The following RXFP2 variants were observed in gnomAD, a reference collection of about 807,000 sequenced individuals.
RXFP2 encodes the protein relaxin receptor 2.
In RXFP2, 68 loss-of-function variants were observed where a neutral mutation model predicts 88.6. The observed-to-expected ratio is 0.77, with a 90% CI of 0.63 to 0.94. The LOEUF is 0.94. Among genes scored for constraint, RXFP2 ranks in the 40% least tolerant of loss-of-function variants. The probability of loss-of-function intolerance (pLI) is 0.00; values close to 1 mark genes in which losing one functional copy is unlikely to be tolerated. For synonymous variants in RXFP2, 329 were observed against 306.8 expected (o/e 1.07, Z -0.76); for missense variants, 791 against 893.9 (o/e 0.88, Z 1.47).
rs530572609 is a variant in RXFP2 at position 31,791,545 on chromosome 13, T to C, written c.1146-261T>C. 9.8e-5 allele frequency among the ~76,000 whole-genome samples: 15 copies of C among 152,300 alleles called. No individual in the cohort carries two copies. The East Asian group carries it at 2.7e-3, about 27-fold the overall frequency. ...ATGTGACCAGGGAACATACAGCCCC[T>C]GAGATTTCAAATTTTCATGTCCTCC... On this transcript the variant is annotated intron_variant, in intron 14 of 17. Coordinates refer to ENST00000298386, the MANE Select transcript of RXFP2 (RefSeq NM_130806.5).
Position 31,775,358 on chromosome 13 carries a change from A to C in RXFP2, c.610A>C (p.Ile204Leu). The change falls in exon 7 of 18, where the codon ATA (isoleucine) becomes CTA (leucine). Residue 204 changes from isoleucine to leucine, a missense_variant. By Grantham distance (5) the Ile-to-Leu change is conservative. Coordinates refer to ENST00000298386, the MANE Select transcript of RXFP2 (RefSeq NM_130806.5). Reference sequence around the variant, plus strand: ...CTGCATCACAACCCTCAGACCTGGAATATTCAAAGACTTACATCAGCTAAC... The same window carrying C: ...CTGCATCACAACCCTCAGACCTGGACTATTCAAAGACTTACATCAGCTAAC... ...HNCITTLRPG[I>L]FKDLHQLTWL... 6.2e-7 allele frequency: 1 copy of C among 1,613,650 alleles called. No individual in the cohort carries two copies. Among genetic ancestry groups the C allele is most frequent in the Non-Finnish European group, 8.5e-7 (1 of 1,179,616 alleles).
chr13:31,756,459 C>T (rs17076586), intron 1 of RXFP2, among the ~76,000 whole-genome samples: 27,808 of 151,944 alleles, frequency 0.18, 2,493 homozygotes, highest in East Asian at 0.24. Flanking sequence ...TATCATCTCC[C>T]ACACCCGCCC....
At chr13:31,790,122 G>C (rs573855522) in intron 14 of RXFP2, among the ~76,000 whole-genome samples, 5 of 152,298 alleles carry the variant, frequency 3.3e-5, no homozygotes, top group African/African-American at 1.2e-4. Flanking sequence ...ACAATTAAGA[G>C]AAAACACATT....
chr13:31,764,239 TC>T (rs1872439185), intron 3 of RXFP2, among the ~76,000 whole-genome samples: 2 of 131,180 alleles, frequency 1.5e-5, no homozygotes, highest in African/African-American at 5.7e-5. Context: ...TGTCTCTCTC[TC>T]TTTCACACAC....
chr13:31,741,559 A>G (rs914185125), intron 1 of RXFP2, among the ~76,000 whole-genome samples: 3 of 152,132 alleles, frequency 2.0e-5, no homozygotes, highest in Admixed American at 1.3e-4. Flanking sequence ...TTTAATTTAA[A>G]TAATATTTGT....
At chr13:31,774,152 T>G (rs564679106) in intron 5 of RXFP2, among the ~76,000 whole-genome samples, 10 of 152,328 alleles carry the variant, frequency 6.6e-5, no homozygotes, top group African/African-American at 2.2e-4. Context: ...CTTCTCACTT[T>G]GCATCATGAA....
At chr13:31,782,653 C>G (rs747016500) in intron 10 of RXFP2, 23 bp from the exon 11 acceptor site, 43 of 1,578,990 alleles carry the variant, frequency 2.7e-5, no homozygotes, top group Non-Finnish European at 3.7e-5. Flanking sequence ...AACCCACATG[C>G]TGATTCTCGC....
At chr13:31,780,571 T>C (rs183138565) in intron 9 of RXFP2, among the ~76,000 whole-genome samples, 124 of 152,326 alleles carry the variant, frequency 8.1e-4, no homozygotes, top group Middle Eastern at 6.8e-3. Context: ...GTGATTTTAG[T>C]GTGACTATGA....
intron 5 of RXFP2, among the ~76,000 whole-genome samples, chr13:31,771,687 G>A (rs1872740159): frequency 6.6e-6 from 1 of 151,810 alleles, no homozygotes; most frequent in Non-Finnish European, 1.5e-5. Context: ...AGCTACTCAA[G>A]AGGGTGAGGC....
chr13:31,748,870 A>C (rs531610071), intron 1 of RXFP2, among the ~76,000 whole-genome samples: 2 of 152,212 alleles, frequency 1.3e-5, no homozygotes, highest in Admixed American at 1.3e-4. Flanking sequence ...GGTGTTGTGC[A>C]CCTGTAGTCC....
In RXFP2 at chr13:31,792,680, G is replaced by A. The variant is rs749580194; in HGVS notation, c.1378G>A (p.Ala460Thr). Residue 460 changes from alanine to threonine, a missense_variant and splice_region_variant, in exon 16 of 18, where the codon GCT becomes ACT. Coordinates refer to ENST00000298386, the MANE Select transcript of RXFP2 (RefSeq NM_130806.5). Reference protein sequence around the residue: ...HAMSIKILCCADCLMGVYLFF... With the variant: ...HAMSIKILCCTDCLMGVYLFF... ...ACACTGTTTCAATTCTTCCACAGGT[G>A]CTGATTGCCTGATGGGTGTTTACTT... The A allele has an allele frequency of 6.2e-7, 1 of 1,614,024 alleles. No homozygotes were observed. The highest frequency in any genetic ancestry group is 1.7e-5 in the Admixed American group (1 of 60,020).
chr13:31,798,705 G>A (rs762803586), intron 17 of RXFP2, among the ~76,000 whole-genome samples: 2 of 152,080 alleles, frequency 1.3e-5, no homozygotes, highest in Non-Finnish European at 2.9e-5. Context: ...TCCCACCCTC[G>A]TACACTGTGA....
chr13:31,785,761 T>G (rs919735777), intron 11 of RXFP2, among the ~76,000 whole-genome samples: 2 of 152,300 alleles, frequency 1.3e-5, no homozygotes, highest in Non-Finnish European at 2.9e-5. Context: ...TCATTTCTTC[T>G]GATTTTAACA....
At position 31,787,784 on chromosome 13, in the gene RXFP2, C is replaced by T. The variant is rs564297831; in HGVS notation, c.1073+1147C>T. On this transcript the variant is annotated intron_variant, in intron 13 of 17. Transcript: ENST00000298386. The stretch of plus-strand genomic sequence containing the variant: ...CCTCCCAAGTAGCTGGGATTACAGG[C>T]GAACGCCGCCATGCCAGGCTACTTT... Among the ~76,000 whole-genome samples, 11 of 152,298 alleles carry T rather than the reference C, an allele frequency of 7.2e-5. No individual in the cohort carries two copies. In the East Asian group the frequency reaches 1.2e-3, roughly 16 times the overall value.
intron 8 of RXFP2, 56 bp downstream of exon 8, chr13:31,777,503 C>A: frequency 2.4e-6 from 3 of 1,240,602 alleles, no homozygotes; most frequent in Non-Finnish European, 3.5e-6. Flanking sequence ...TGACATCTAG[C>A]ACTAGCTTAC....
At chr13:31,739,934 G>T (rs1871163483) in intron 1 of RXFP2, among the ~76,000 whole-genome samples, 1 of 152,040 alleles carries the variant, frequency 6.6e-6, no homozygotes, top group Non-Finnish European at 1.5e-5. Context: ...TGTTATTAAA[G>T]CTGTAGATAA....
intron 17 of RXFP2, among the ~76,000 whole-genome samples, chr13:31,798,838 A>G (rs891486376): frequency 6.6e-6 from 1 of 152,058 alleles, no homozygotes; most frequent in Non-Finnish European, 1.5e-5. Context: ...TAGCGTACTA[A>G]ACACCACTTC....
intron 16 of RXFP2, among the ~76,000 whole-genome samples, chr13:31,795,391 C>T (rs937576304): frequency 3.3e-5 from 5 of 152,092 alleles, no homozygotes; most frequent in African/African-American, 1.2e-4. Context: ...CTCAAGCGAT[C>T]CGCCCACCTC....
chr13:31,742,095 A>G (rs965823713), intron 1 of RXFP2, among the ~76,000 whole-genome samples: 8 of 152,316 alleles, frequency 5.3e-5, no homozygotes, highest in Admixed American at 4.6e-4. Context: ...AAACTTTTAA[A>G]AAACATTTCT....
Sources: allele counts gnomAD v4.1 joint callset (sites outside exome capture counted in the v4.1 genomes callset), GRCh38; gene constraint gnomAD v4.1.1; transcripts MANE v1.5; gene names NCBI Gene and HGNC (gene_info 2026-07-23, HGNC 2026-07-21).